PPP1R9A: variants seen among roughly 807,000 people sequenced by gnomAD.
The protein encoded by PPP1R9A is protein phosphatase 1 regulatory subunit 9A, also known as neurabin-1.
A neutral mutation model predicts 141.9 loss-of-function variants in PPP1R9A; 59 were observed. The ratio of observed to expected loss-of-function variants is 0.42; its 90% confidence interval spans 0.34 to 0.52. The LOEUF (loss-of-function observed/expected upper bound fraction) is 0.52, where lower values mean the gene tolerates loss of function less well. Among genes scored for constraint, PPP1R9A ranks in the 20% least tolerant of loss-of-function variants. The pLI is 0.10. For synonymous variants in PPP1R9A, 500 were observed against 569.7 expected (o/e 0.88, Z 1.74); for missense variants, 1,444 against 1,611.9 (o/e 0.90, Z 1.78).
intron 2 of PPP1R9A, among the ~76,000 whole-genome samples, chr7:95,078,827 G>T (rs1010288648): frequency 1.3e-5 from 2 of 151,538 alleles, no homozygotes; most frequent in African/African-American, 4.9e-5. Flanking sequence ...TGATGGGGTT[G>T]TTTGTTTTTT....
At chr7:94,995,542 T>C (rs1382559203) in intron 2 of PPP1R9A, among the ~76,000 whole-genome samples, 1 of 152,046 alleles carries the variant, frequency 6.6e-6, no homozygotes, top group Admixed American at 6.5e-5. Context: ...GTTTCCATTA[T>C]GTCTTAAATT....
intron 3 of PPP1R9A, among the ~76,000 whole-genome samples, chr7:95,113,879 A>T (rs1281607023): frequency 6.6e-6 from 1 of 152,232 alleles, no homozygotes; most frequent in Non-Finnish European, 1.5e-5. Flanking sequence ...TTAAACATAC[A>T]ATTGCTTAAA....
chr7:94,972,471 T>C (rs2151239468), intron 2 of PPP1R9A, among the ~76,000 whole-genome samples: 1 of 152,224 alleles, frequency 6.6e-6, no homozygotes, highest in African/African-American at 2.4e-5. Flanking sequence ...GACCTCTACC[T>C]TGGCCCTGAC....
In PPP1R9A at chr7:95,061,931, C is replaced by T. The variant is rs1812294902; in HGVS notation, c.1396-49328C>T. On this transcript the variant is annotated intron_variant, in intron 2 of 19. Transcript: ENST00000433360. The stretch of plus-strand genomic sequence containing the variant: ...TGAAGATATAATTTGCTGAAAATAT[C>T]TTAGTGACTTGAACAAACTTGTATG... Among the ~76,000 whole-genome samples the T allele has an allele frequency of 2.6e-5, 4 of 152,122 alleles. No homozygotes were observed. In the South Asian group the frequency reaches 8.3e-4, roughly 32 times the overall value.
intron 8 of PPP1R9A, among the ~76,000 whole-genome samples, chr7:95,229,960 C>T (rs974307293): frequency 1.1e-4 from 16 of 152,166 alleles, no homozygotes; most frequent in Non-Finnish European, 2.2e-4. Context: ...TCCATGGCTA[C>T]AAGACCTGAA....
intron 8 of PPP1R9A, among the ~76,000 whole-genome samples, chr7:95,246,947 G>A (rs535740478): frequency 1.1e-4 from 17 of 152,272 alleles, no homozygotes; most frequent in African/African-American, 3.9e-4. Context: ...AAAAAAATAT[G>A]TATCAGAGAT....
At chr7:95,039,671 A>G (rs1563154556) in intron 2 of PPP1R9A, among the ~76,000 whole-genome samples, 1 of 152,136 alleles carries the variant, frequency 6.6e-6, no homozygotes, top group Non-Finnish European at 1.5e-5. Flanking sequence ...AAGAATAAAT[A>G]AGTTTGAAAA....
At chr7:94,971,207 C>T (rs1181585598) in intron 2 of PPP1R9A, among the ~76,000 whole-genome samples, 6 of 152,108 alleles carry the variant, frequency 3.9e-5, no homozygotes, top group Non-Finnish European at 8.8e-5. Flanking sequence ...TGAGGAGCCT[C>T]CCACTGGGGG....
intron 5 of PPP1R9A, among the ~76,000 whole-genome samples, chr7:95,184,979 C>T (rs1834409196): frequency 6.6e-6 from 1 of 150,460 alleles, no homozygotes; most frequent in South Asian, 2.1e-4. Flanking sequence ...GTCTGTGTAG[C>T]TACCTGGTAG....
intron 7 of PPP1R9A, among the ~76,000 whole-genome samples, chr7:95,221,777 G>C (rs1348956078): frequency 6.6e-6 from 1 of 151,856 alleles, no homozygotes; most frequent in African/African-American, 2.4e-5. Context: ...GCCTTGGAAG[G>C]ATCTTTTTCA....
Position 95,252,067 on chromosome 7 carries a change from A to G in PPP1R9A, c.2602A>G (p.Lys868Glu), listed in dbSNP as rs1191303792. Residue 868 changes from lysine (K) to glutamate (E), a missense_variant, in exon 12 of 20, where the codon AAA (lysine) becomes GAA (glutamate). By Grantham distance (56) the Lys-to-Glu change is moderately conservative. This residue lies in a region of PPP1R9A where 488 missense variants were observed against 542.0 expected (regional missense o/e 0.90). Transcript: ENST00000433360. The stretch of plus-strand genomic sequence containing the variant: ...AAGAACATCTCTTGGTGAAGTCTCT[A>G]AAGGGGATACCATGGAGAACTTGGA... ...ERRTSLGEVS[K>E]GDTMENLDGK... The G allele has an allele frequency of 6.2e-7, 1 of 1,612,930 alleles. No individual in the cohort carries two copies.
At position 94,920,768 on chromosome 7, in the gene PPP1R9A, T is replaced by G. The variant is rs563109689; in HGVS notation, c.1395+9260T>G. On this transcript the variant is annotated intron_variant, in intron 2 of 19. Coordinates refer to ENST00000433360, the MANE Select transcript of PPP1R9A (RefSeq NM_001166160.2). ...GTGAATAGAGTCATGACCATGAAGGTTTCTTTACAGGAATAAGCAGTGAGA... is the reference window on the plus strand; with the variant it reads ...GTGAATAGAGTCATGACCATGAAGGGTTCTTTACAGGAATAAGCAGTGAGA... 1.9e-3 allele frequency among the ~76,000 whole-genome samples: 291 copies of G among 152,274 alleles called. 2 individuals carry two copies. Among genetic ancestry groups the G allele is most frequent in the African/African-American group, 6.6e-3 (273 of 41,542 alleles).
chr7:95,103,889 A>G (rs1399028796), intron 2 of PPP1R9A, among the ~76,000 whole-genome samples: 1 of 152,200 alleles, frequency 6.6e-6, no homozygotes, highest in African/African-American at 2.4e-5. Context: ...TATATTGTCT[A>G]TAATTTAAAG....
chr7:95,288,946 C>T (rs1257760250), intron 19 of PPP1R9A, among the ~76,000 whole-genome samples: 1 of 152,098 alleles, frequency 6.6e-6, no homozygotes, highest in Non-Finnish European at 1.5e-5. Context: ...GTGAGGGACC[C>T]ACTCCATTGC....
At chr7:94,933,661 C>A (rs750763101) in intron 2 of PPP1R9A, among the ~76,000 whole-genome samples, 1 of 152,082 alleles carries the variant, frequency 6.6e-6, no homozygotes, top group Admixed American at 6.6e-5. Context: ...TAACATTCAC[C>A]ATACCAGGCA....
In PPP1R9A at chr7:95,139,273, GA is replaced by G. The variant is rs375296453; in HGVS notation, c.1649+18443del. Among the ~76,000 whole-genome samples the G allele has an allele frequency of 6.6e-5, 10 of 152,030 alleles. No individual in the cohort carries two copies. The East Asian group carries it at 9.7e-4, about 15-fold the overall frequency. On this transcript the variant is annotated intron_variant, in intron 4 of 19. Transcript: ENST00000433360. Reference sequence around the variant, plus strand: ...AGAGAATGAGTGCAGAGCGAAGGGGGAAGCCCTATACTTATAAAACCACCTG... The same window carrying G: ...AGAGAATGAGTGCAGAGCGAAGGGGGAGCCCTATACTTATAAAACCACCTG...
chr7:95,286,978 TGTAAGC>T, intron 18 of PPP1R9A: 18 of 939,196 alleles, frequency 1.9e-5, no homozygotes, highest in Non-Finnish European at 2.2e-5. Context: ...TTTTTTTTCT[TGTAAGC>T]TTTTCTGCCC....
intron 4 of PPP1R9A, among the ~76,000 whole-genome samples, chr7:95,143,707 A>G (rs1249011472): frequency 6.6e-6 from 1 of 152,164 alleles, no homozygotes; most frequent in East Asian, 1.9e-4. Context: ...AAGAGCTAAT[A>G]CATTATTACC....
At chr7:95,277,618 G>T (rs1803441257) in intron 16 of PPP1R9A, among the ~76,000 whole-genome samples, 1 of 151,934 alleles carries the variant, frequency 6.6e-6, no homozygotes, top group African/African-American at 2.4e-5. Flanking sequence ...GTAGAGGTGG[G>T]GTCTTGCTAT....
Sources: gnomAD v4.1 joint callset for allele counts (sites outside exome capture counted in the v4.1 genomes callset) on GRCh38, gnomAD v4.1.1 for gene constraint, gnomAD v4.1.1 regional missense constraint, MANE v1.5 for transcripts, NCBI Gene and HGNC (gene_info 2026-07-23, HGNC 2026-07-21) for gene names.